Variants in OLFM2 observed in about 807,000 individuals in gnomAD.
The protein encoded by OLFM2 is noelin-2.
In OLFM2, 20 loss-of-function variants were observed where a neutral mutation model predicts 43.9. The observed-to-expected ratio is 0.46, with a 90% CI of 0.32 to 0.66. The LOEUF is 0.66. Ranked by LOEUF, OLFM2 falls within the 30% of genes least tolerant of loss-of-function variation. OLFM2 has a pLI of 0.04. For synonymous variants in OLFM2, 268 were observed against 278.6 expected (o/e 0.96, Z 0.38); for missense variants, 416 against 643.6 (o/e 0.65, Z 3.83).
intron 1 of OLFM2, among the ~76,000 whole-genome samples, chr19:9,920,741 C>CA (rs557455889): frequency 0.33 from 42,160 of 126,308 alleles, 6,654 homozygotes; most frequent in Middle Eastern, 0.39. Flanking sequence ...ACTAAACATA[C>CA]AAAAAAAAAA....
chr19:9,854,483 C>T lies in OLFM2; in HGVS notation c.1068G>A (p.Glu356=), dbSNP rs1198367642. Residue 356 remains glutamate (E), a synonymous_variant, in exon 6 of 6, where the codon GAG becomes GAA. Transcript: ENST00000264833. The surrounding 1 kb of genome is among the most constrained non-coding windows in gnomAD (Gnocchi z 9.5). ...AGCCGGTGTCCCAGGACCGCATGAC[C>T]TCGAGGGTGTGCGGGTCCAGCCGGC... The part of the protein sequence containing the change: ...VVSRLDPHTL[E]VMRSWDTGYP... 2.5e-6 allele frequency: 4 copies of T among 1,614,014 alleles called. No homozygotes were observed. The South Asian group carries it at 3.3e-5, about 13-fold the overall frequency.
intron 5 of OLFM2, among the ~76,000 whole-genome samples, chr19:9,855,963 C>CACTG (rs2046313720): frequency 1.3e-5 from 2 of 152,200 alleles, no homozygotes; most frequent in African/African-American, 2.4e-5. Context: ...GGTTAGTGGT[C>CACTG]ACTGGACAGC....
chr19:9,892,226 C>A (rs529679624), intron 1 of OLFM2, among the ~76,000 whole-genome samples: 1 of 152,158 alleles, frequency 6.6e-6, no homozygotes, highest in Admixed American at 6.6e-5. Context: ...ATGTGTGTAT[C>A]TGCTGCTGTG....
rs150315263 is a variant in OLFM2 at position 9,903,362 on chromosome 19, A to G, written c.63+32942T>C. Among the ~76,000 whole-genome samples, 32 of 152,282 alleles carry G rather than the reference A, an allele frequency of 2.1e-4. No individual in the cohort carries two copies. The South Asian group carries it at 6.0e-3, about 29-fold the overall frequency. On this transcript the variant is annotated intron_variant, in intron 1 of 5. Coordinates refer to ENST00000264833, the MANE Select transcript of OLFM2 (RefSeq NM_058164.4). ...CTCTCCTGAACAGCCAGGTACCCAC[A>G]TGTATGCTCACCAGGAGCCAAAAAC...
At chr19:9,864,258 G>A (rs1001967639) in intron 1 of OLFM2, among the ~76,000 whole-genome samples, 1 of 152,176 alleles carries the variant, frequency 6.6e-6, no homozygotes, top group Non-Finnish European at 1.5e-5. Flanking sequence ...GTTGTCCACA[G>A]CAGCAACCTG....
intron 1 of OLFM2, among the ~76,000 whole-genome samples, chr19:9,870,424 T>C (rs1477562411): frequency 3.3e-5 from 5 of 152,136 alleles, no homozygotes; most frequent in South Asian, 2.1e-4. Flanking sequence ...ACTTGCTCCA[T>C]CCTAGTCCCC....
chr19:9,913,949 A>G (rs1042155544), intron 1 of OLFM2: 34 of 73,580 alleles, frequency 4.6e-4, no homozygotes, highest in African/African-American at 1.7e-3. Context: ...GACTGCCCCC[A>G]CCCCCCACCC....
In OLFM2 at chr19:9,854,282, G is replaced by A. The variant is rs960550860; in HGVS notation, c.1269C>T (p.Asn423=). The A allele has an allele frequency of 6.2e-7, 1 of 1,614,172 alleles. No individual in the cohort carries two copies. Among genetic ancestry groups the A allele is most frequent in the Non-Finnish European group, 8.5e-7 (1 of 1,180,022 alleles). ...AGGTATAGAGGGCGCGCTCCCGGGG[G>A]TTGTAATCCAGCATCGAGATGTGGG... ...QYSHISMLDY[N]PRERALYTWN... The change falls in exon 6 of 6, where the codon AAC becomes AAT. Residue 423 remains asparagine, a synonymous_variant. Transcript: ENST00000264833. This position sits in a 1 kb window ranked among gnomAD's most constrained non-coding sequence, Gnocchi z 9.5.
At chr19:9,866,029 G>A (rs1340029931) in intron 1 of OLFM2, among the ~76,000 whole-genome samples, 5 of 152,162 alleles carry the variant, frequency 3.3e-5, no homozygotes, top group African/African-American at 1.2e-4. Context: ...TCTCTCGACA[G>A]AGGAAATATT....
chr19:9,929,261 C>T (rs867344545), intron 1 of OLFM2, among the ~76,000 whole-genome samples: 3 of 152,138 alleles, frequency 2.0e-5, no homozygotes, highest in African/African-American at 2.4e-5. Flanking sequence ...CATAGTACAA[C>T]GCTTGAGATA....
chr19:9,854,907 G>T lies in OLFM2; in HGVS notation c.688-44C>A. 1.4e-6 allele frequency: 2 copies of T among 1,449,210 alleles called. No homozygotes were observed. The highest frequency in any genetic ancestry group is 1.3e-5 in the South Asian group (1 of 74,186). 89.8% of individuals were successfully genotyped at this position (1,449,210 alleles called of 1,614,324 possible). ...GTCACTGGGGGGAACCACCACCAAC[G>T]ACCCAAGGGTCCCAGCACCAGCTAC... On this transcript the variant is annotated intron_variant, in intron 5 of 5. Transcript: ENST00000264833. This position sits in a 1 kb window ranked among gnomAD's most constrained non-coding sequence, Gnocchi z 9.5.
At chr19:9,916,998 T>A (rs1412277120) in intron 1 of OLFM2, among the ~76,000 whole-genome samples, 2 of 152,122 alleles carry the variant, frequency 1.3e-5, no homozygotes, top group African/African-American at 4.8e-5. Flanking sequence ...CCTAAAACTC[T>A]GTATCTTTCA....
At chr19:9,920,152 C>T (rs1443807557) in intron 1 of OLFM2, among the ~76,000 whole-genome samples, 1 of 151,922 alleles carries the variant, frequency 6.6e-6, no homozygotes, top group Non-Finnish European at 1.5e-5. Context: ...GGTGGCATGT[C>T]CCTGTAGTAC....
chr19:9,883,069 G>T (rs1194310633), intron 1 of OLFM2, among the ~76,000 whole-genome samples: 2 of 151,636 alleles, frequency 1.3e-5, no homozygotes, highest in Admixed American at 6.6e-5. Flanking sequence ...AATTAGCCAG[G>T]AGTGGTGACA....
At chr19:9,901,079 AAGAG>A (rs1258440627) in intron 1 of OLFM2, among the ~76,000 whole-genome samples, 2 of 108,676 alleles carry the variant, frequency 1.8e-5, no homozygotes, top group African/African-American at 7.4e-5. Flanking sequence ...GAGGGAAAGA[AAGAG>A]AGTGAGGAAG....
At position 9,857,559 on chromosome 19, in the gene OLFM2, T is replaced by A. The variant is rs2046331715; in HGVS notation, c.361-77A>T. The A allele has an allele frequency of 6.4e-7, 1 of 1,569,286 alleles. No homozygotes were observed. Among genetic ancestry groups the A allele is most frequent in the African/African-American group, 1.3e-5 (1 of 74,144 alleles). On this transcript the variant is annotated intron_variant, in intron 3 of 5. Transcript: ENST00000264833. This position sits in a 1 kb window ranked among gnomAD's most constrained non-coding sequence, Gnocchi z 5.7. ...AGACATGACTCCAACCTCTGACTCATAACTTCACCCTTTGTCTTTGATGCA... is the reference window on the plus strand; with the variant it reads ...AGACATGACTCCAACCTCTGACTCAAAACTTCACCCTTTGTCTTTGATGCA...
In OLFM2 at chr19:9,856,739, C is replaced by T; in HGVS notation, c.687+68G>A. 2.3e-6 allele frequency: 3 copies of T among 1,276,736 alleles called. No homozygotes were observed. Among genetic ancestry groups the T allele is most frequent in the East Asian group, 2.4e-5 (1 of 40,956 alleles). 79.1% of individuals were successfully genotyped at this position (1,276,736 alleles called of 1,614,324 possible). Reference sequence around the variant, plus strand: ...CAGTCACCAGTGTGGACTCCCTAGGCACCTATGGGCAGTCAAAGGCTCTGT... The same window carrying T: ...CAGTCACCAGTGTGGACTCCCTAGGTACCTATGGGCAGTCAAAGGCTCTGT... On this transcript the variant is annotated intron_variant, in intron 5 of 5. Transcript: ENST00000264833. This position sits in a 1 kb window ranked among gnomAD's most constrained non-coding sequence, Gnocchi z 4.0.
intron 1 of OLFM2, among the ~76,000 whole-genome samples, chr19:9,930,638 A>C (rs987795552): frequency 7.2e-5 from 11 of 151,894 alleles, no homozygotes; most frequent in Non-Finnish European, 1.5e-4. Context: ...TGAGGTCTGG[A>C]GTTCGAGACC....
chr19:9,909,151 G>T (rs2046807908), intron 1 of OLFM2, among the ~76,000 whole-genome samples: 1 of 152,134 alleles, frequency 6.6e-6, no homozygotes, highest in African/African-American at 2.4e-5. Flanking sequence ...AGAGCCTTTT[G>T]CTGAGAACTG....
Sources: gnomAD v4.1 joint callset for allele counts (sites outside exome capture counted in the v4.1 genomes callset) on GRCh38, gnomAD v4.1.1 for gene constraint, Gnocchi (gnomAD v3.1) non-coding constraint, MANE v1.5 for transcripts, NCBI Gene and HGNC (gene_info 2026-07-23, HGNC 2026-07-21) for gene names.